Variants in MED28 observed in about 807,000 individuals in gnomAD.
MED28 encodes the protein mediator complex subunit 28, also known as mediator of RNA polymerase II transcription subunit 28.
MED28 carries 26 observed loss-of-function variants against 21.3 expected under a neutral mutation model. That is an observed-to-expected ratio of 1.22 (90% CI 0.89 to 1.69). The LOEUF is 1.69. Ranked by LOEUF, MED28 falls within the 40% of genes most tolerant of loss-of-function variation. The probability of loss-of-function intolerance (pLI) is 0.00; values close to 1 mark genes in which losing one functional copy is unlikely to be tolerated. For missense variants in MED28, 257 were observed against 215.4 expected (o/e 1.19, Z -1.21); for synonymous variants, 110 against 87.6 (o/e 1.26, Z -1.43).
chr4:17,615,099 C>G (rs1402230123), intron 1 of MED28, among the ~76,000 whole-genome samples: 1 of 152,220 alleles, frequency 6.6e-6, no homozygotes, highest in Admixed American at 6.5e-5. Flanking sequence ...AGTCTCATCC[C>G]CGAGCACCGT....
Position 17,614,701 on chromosome 4 carries a change from C to A in MED28, c.47C>A (p.Pro16His), listed in dbSNP as rs764929246. The A allele has an allele frequency of 1.1e-5, 17 of 1,614,180 alleles. No individual in the cohort carries two copies. Among genetic ancestry groups the A allele is most frequent in the Non-Finnish European group, 1.4e-5 (17 of 1,180,026 alleles). The change falls in exon 1 of 4, where the codon CCC (proline) becomes CAC (histidine). Residue 16 changes from proline (P) to histidine (H), a missense_variant. Pro to His is a moderately conservative substitution (Grantham distance 77, BLOSUM62 -2). Transcript: ENST00000237380. ...GGMFSGQPPG[P>H]PQAPPGLPGQ... The stretch of plus-strand genomic sequence containing the variant: ...ATGTTTTCTGGGCAGCCACCCGGTC[C>A]CCCTCAGGCCCCGCCGGGCCTTCCG...
chr4:17,622,142 G>T (rs1354049524), intron 3 of MED28, among the ~76,000 whole-genome samples: 5 of 152,218 alleles, frequency 3.3e-5, no homozygotes, highest in Non-Finnish European at 7.3e-5. Context: ...GTTGATCTCA[G>T]TTGTTCTAAG....
At chr4:17,616,732 G>A (rs1374402192) in intron 1 of MED28, among the ~76,000 whole-genome samples, 1 of 152,146 alleles carries the variant, frequency 6.6e-6, no homozygotes, top group Non-Finnish European at 1.5e-5. Context: ...GAGACTACCT[G>A]TTTTGTACCC....
chr4:17,621,511 GA>G, intron 2 of MED28, 75 bp from the exon 3 acceptor site: 1 of 988,496 alleles, frequency 1.0e-6, no homozygotes, highest in Non-Finnish European at 1.5e-6. Context: ...TTTACATTCT[GA>G]TTATTCATTT....
chr4:17,628,934 T>C lies in MED28; in HGVS notation c.*5136T>C, dbSNP rs1714847133. ...AGTACTGCACACAAGGACAGTAGAG[T>C]GTCTGTTCCCTGCAGAGGGATAGTG... On this transcript the variant is annotated 3_prime_UTR_variant, in exon 4 of 4. Coordinates refer to ENST00000237380, the MANE Select transcript of MED28 (RefSeq NM_025205.5). 6.6e-6 allele frequency: 1 copy of C among 151,844 alleles called. No individual in the cohort carries two copies. Among genetic ancestry groups the C allele is most frequent in the Non-Finnish European group, 1.5e-5 (1 of 68,056 alleles). The allele number at this position is 151,844 out of a possible 1,614,324, so 9.4% of individuals were successfully genotyped here. A position where few individuals can be genotyped will look rare whatever the true frequency, so the allele number is the denominator to read the frequency against.
rs1247709828 is a variant in MED28, at chr4:17,629,550, T to C, written c.*5752T>C. ...ACAGTTTGCTTTCATGTGGAACAGA[T>C]AGTATTCCTTTCAGTTTTGCTGCAG... On this transcript the variant is annotated 3_prime_UTR_variant, in exon 4 of 4. Transcript: ENST00000237380. 1 of 152,220 alleles carries C rather than the reference T, an allele frequency of 6.6e-6. No homozygotes were observed. Among genetic ancestry groups the C allele is most frequent in the Non-Finnish European group, 1.5e-5 (1 of 68,036 alleles). The allele number at this position is 152,220 out of a possible 1,614,324, so 9.4% of individuals were successfully genotyped here. A position where few individuals can be genotyped will look rare whatever the true frequency, so the allele number is the denominator to read the frequency against.
At position 17,629,728 on chromosome 4, in the gene MED28, C is replaced by CG. The variant is rs1196999071; in HGVS notation, c.*5931dup. ...TACGCCATCACTGTCATCTCTAGACCGCTCTGCTGTTGAGAGATTGATGGA... is the reference window on the plus strand; with the variant it reads ...TACGCCATCACTGTCATCTCTAGACCGGCTCTGCTGTTGAGAGATTGATGGA... On this transcript the variant is annotated 3_prime_UTR_variant, in exon 4 of 4. Coordinates refer to ENST00000237380, the MANE Select transcript of MED28 (RefSeq NM_025205.5). 2.6e-5 allele frequency: 4 copies of CG among 152,264 alleles called. No individual in the cohort carries two copies. The East Asian group carries it at 5.8e-4, about 22-fold the overall frequency. The allele number at this position is 152,264 out of a possible 1,614,324, so 9.4% of individuals were successfully genotyped here. A position where few individuals can be genotyped will look rare whatever the true frequency, so the allele number is the denominator to read the frequency against.
rs540437282 is a variant in MED28 at position 17,628,490 on chromosome 4, C to G, written c.*4692C>G. 10 of 152,172 alleles carry G rather than the reference C, an allele frequency of 6.6e-5. No individual in the cohort carries two copies. In the East Asian group the frequency reaches 1.7e-3, roughly 27 times the overall value. The allele number at this position is 152,172 out of a possible 1,614,324, so 9.4% of individuals were successfully genotyped here. On this transcript the variant is annotated 3_prime_UTR_variant, in exon 4 of 4. Transcript: ENST00000237380. ...TTCCTTGAAATCACCCAACCAGGGC[C>G]AGAATCCTAAAAGAGGTTCTTTGTG...
rs181156999 is a variant in MED28 at position 17,629,240 on chromosome 4, A to C, written c.*5442A>C. The C allele has an allele frequency of 2.0e-5, 3 of 152,060 alleles. No individual in the cohort carries two copies. The highest frequency in any genetic ancestry group is 6.5e-5 in the Admixed American group (1 of 15,292). 9.4% of individuals were successfully genotyped at this position (152,060 alleles called of 1,614,324 possible). Reference sequence around the variant, plus strand: ...AGAGCAAGACTCCGTCTCAAAAACAAACACACAGTACTGCATCCTGGGGGT... The same window carrying C: ...AGAGCAAGACTCCGTCTCAAAAACACACACACAGTACTGCATCCTGGGGGT... On this transcript the variant is annotated 3_prime_UTR_variant, in exon 4 of 4. Coordinates refer to ENST00000237380, the MANE Select transcript of MED28 (RefSeq NM_025205.5).
At chr4:17,619,142 C>T (rs574751454) in intron 1 of MED28, among the ~76,000 whole-genome samples, 4 of 152,318 alleles carry the variant, frequency 2.6e-5, no homozygotes, top group African/African-American at 9.6e-5. Flanking sequence ...CTGCAGTGGG[C>T]CTGCTTTGGT....
rs1714803670 is a variant in MED28 at position 17,627,693 on chromosome 4, C to T, written c.*3895C>T. The T allele has an allele frequency of 6.6e-6, 1 of 152,412 alleles. No individual in the cohort carries two copies. Among genetic ancestry groups the T allele is most frequent in the African/African-American group, 2.4e-5 (1 of 41,438 alleles). The allele number at this position is 152,412 out of a possible 1,614,324, so 9.4% of individuals were successfully genotyped here. A position where few individuals can be genotyped will look rare whatever the true frequency, so the allele number is the denominator to read the frequency against. On this transcript the variant is annotated 3_prime_UTR_variant, in exon 4 of 4. Coordinates refer to ENST00000237380, the MANE Select transcript of MED28 (RefSeq NM_025205.5). ...GGCCATTTCTGCCCGACACAGGCCT[C>T]CTCTAATGAGCAGTCTGAGGCCAGG...
Position 17,624,139 on chromosome 4 carries a change from G to A in MED28, c.*341G>A, listed in dbSNP as rs1452727341. On this transcript the variant is annotated 3_prime_UTR_variant, in exon 4 of 4. Transcript: ENST00000237380. ...CATCTTTTTATGTGTGTTTCCTGTAGTTTGATCCGAAGGAAAAGAGTATAG... is the reference window on the plus strand; with the variant it reads ...CATCTTTTTATGTGTGTTTCCTGTAATTTGATCCGAAGGAAAAGAGTATAG... The A allele has an allele frequency of 1.0e-5, 3 of 289,664 alleles. No individual in the cohort carries two copies. Among genetic ancestry groups the A allele is most frequent in the Non-Finnish European group, 1.3e-5 (2 of 150,360 alleles). The allele number at this position is 289,664 out of a possible 1,614,324, so 17.9% of individuals were successfully genotyped here.
chr4:17,617,203 T>G (rs1457090008), intron 1 of MED28, among the ~76,000 whole-genome samples: 1 of 152,210 alleles, frequency 6.6e-6, no homozygotes, highest in Non-Finnish European at 1.5e-5. Context: ...ATCTGTCTAG[T>G]CTTGTCTCAC....
At chr4:17,619,528 T>G (rs1365689302) in intron 1 of MED28, among the ~76,000 whole-genome samples, 2 of 152,160 alleles carry the variant, frequency 1.3e-5, no homozygotes, top group Admixed American at 6.5e-5. Flanking sequence ...CTGCTGTCTC[T>G]GAGGGGGAGA....
chr4:17,621,368 T>TC (rs1459176174), intron 2 of MED28, among the ~76,000 whole-genome samples: 2 of 145,400 alleles, frequency 1.4e-5, no homozygotes, highest in Non-Finnish European at 3.0e-5. Context: ...TATCTCTCTC[T>TC]TTTTTTTTTT....
intron 1 of MED28, among the ~76,000 whole-genome samples, chr4:17,617,353 C>T (rs1421872491): frequency 6.6e-6 from 1 of 152,230 alleles, no homozygotes; most frequent in African/African-American, 2.4e-5. Context: ...TGGGGTGCCA[C>T]TCCTTGAGGT....
At chr4:17,623,290 A>G (rs1371543385) in intron 3 of MED28, among the ~76,000 whole-genome samples, 1 of 151,252 alleles carries the variant, frequency 6.6e-6, no homozygotes, top group East Asian at 2.0e-4. Flanking sequence ...GATCCCAGCT[A>G]CTCAGGAGGT....
intron 2 of MED28, 88 bp downstream of exon 2, chr4:17,620,055 C>T: frequency 8.4e-7 from 1 of 1,187,258 alleles, no homozygotes; most frequent in South Asian, 1.2e-5. Flanking sequence ...TTCAGTCCTG[C>T]TTTTATCCTA....
chr4:17,633,672 C>T lies in MED28; in HGVS notation c.*9874C>T. 1 of 1,495,482 alleles carries T rather than the reference C, an allele frequency of 6.7e-7. No individual in the cohort carries two copies. The highest frequency in any genetic ancestry group is 8.9e-7 in the Non-Finnish European group (1 of 1,117,426). 92.6% of individuals were successfully genotyped at this position (1,495,482 alleles called of 1,614,324 possible). A position where few individuals can be genotyped will look rare whatever the true frequency, so the allele number is the denominator to read the frequency against. ...GGGAAATAGAATAAGGGCCCCTGTCCCCAACATCCCCCAAACCTTGTGGCA... is the reference window on the plus strand; with the variant it reads ...GGGAAATAGAATAAGGGCCCCTGTCTCCAACATCCCCCAAACCTTGTGGCA... On this transcript the variant is annotated 3_prime_UTR_variant, in exon 4 of 4. Transcript: ENST00000237380.
Sources: allele counts gnomAD v4.1 joint callset (sites outside exome capture counted in the v4.1 genomes callset), GRCh38; gene constraint gnomAD v4.1.1; transcripts MANE v1.5; gene names NCBI Gene and HGNC (gene_info 2026-07-23, HGNC 2026-07-21).